Variants in RPS15A observed in about 807,000 individuals in gnomAD.
RPS15A encodes ribosomal protein S15a.
For synonymous variants in RPS15A, 55 were observed against 58.5 expected (o/e 0.94, Z 0.27); for missense variants, 62 against 163.4 (o/e 0.38, Z 3.38).
At chr16:18,783,186 A>T in intron 4 of RPS15A, 84 bp from the exon 5 acceptor site, 2 of 890,022 alleles carry the variant, frequency 2.2e-6, no homozygotes, top group Non-Finnish European at 3.6e-6. Context: ...AACACTCATC[A>T]GTGGTTAAGG....
chr16:18,786,120 CAG>C (rs1904044868), intron 3 of RPS15A: 1 of 153,628 alleles, frequency 6.5e-6, no homozygotes, highest in Non-Finnish European at 1.5e-5. Context: ...TCGAAAGTCA[CAG>C]AACAGGCCAG....
At chr16:18,783,506 T>C (rs1261297807) in intron 4 of RPS15A, 1 of 368,930 alleles carries the variant, frequency 2.7e-6, no homozygotes, top group East Asian at 7.2e-5. Context: ...TATGGAGACG[T>C]TCATTTGTAC....
intron 3 of RPS15A, 30 bp downstream of exon 3, chr16:18,788,033 C>T: frequency 7.0e-7 from 1 of 1,424,702 alleles, no homozygotes; most frequent in Non-Finnish European, 9.9e-7. Flanking sequence ...ATTCTTAAAG[C>T]TTTGAAATGT....
intron 4 of RPS15A, chr16:18,783,873 G>A (rs958018588): frequency 8.3e-6 from 3 of 359,848 alleles, no homozygotes; most frequent in African/African-American, 6.4e-5. Context: ...GAAAAACAAG[G>A]GTTTGAACTC....
intron 3 of RPS15A, 25 bp downstream of exon 3, chr16:18,788,038 A>C (rs762394637): frequency 6.8e-7 from 1 of 1,470,870 alleles, no homozygotes; most frequent in East Asian, 2.3e-5. Context: ...TAAAGCTTTG[A>C]AATGTGTAGA....
chr16:18,788,484 CCTTT>C (rs752426306), intron 2 of RPS15A: 65 of 246,332 alleles, frequency 2.6e-4, no homozygotes, highest in Admixed American at 6.7e-4. Context: ...TCTCAAGAGT[CCTTT>C]CTTTCTTTTT....
chr16:18,783,853 C>T (rs1904003647), intron 4 of RPS15A: 1 of 371,366 alleles, frequency 2.7e-6, no homozygotes, highest in Non-Finnish European at 5.3e-6. Flanking sequence ...GATCTCATGG[C>T]TTTAAAGCAG....
chr16:18,789,219 C>A (rs1457823534), intron 1 of RPS15A, 101 bp from the exon 2 acceptor site: 2 of 1,240,976 alleles, frequency 1.6e-6, no homozygotes, highest in African/African-American at 3.0e-5. Flanking sequence ...CTGGCCCCAC[C>A]TTGGCGAAGT....
chr16:18,786,172 CTGGCCAACA>C (rs1196182616), intron 3 of RPS15A: 3 of 167,412 alleles, frequency 1.8e-5, no homozygotes, highest in Non-Finnish European at 2.6e-5. Flanking sequence ...CCAGACCAGC[CTGGCCAACA>C]TGGCGAAACC....
At chr16:18,784,095 T>C (rs966910512) in intron 4 of RPS15A, 2 of 180,962 alleles carry the variant, frequency 1.1e-5, no homozygotes, top group Non-Finnish European at 2.4e-5. Context: ...ATGTGGCAAA[T>C]AGCCAGGCAC....
rs12926769 is a variant in RPS15A, at chr16:18,782,758, C to A, written c.*251G>T. 24 of 279,796 alleles carry A rather than the reference C, an allele frequency of 8.6e-5. No individual in the cohort carries two copies. The highest frequency in any genetic ancestry group is 1.7e-4 in the South Asian group (2 of 11,632). 17.3% of individuals were successfully genotyped at this position (279,796 alleles called of 1,614,324 possible). ...AAAAAAAAAAAAAACTGAAATACAA[C>A]TAAAATATTTAGTGTCAAATACCTG... On this transcript the variant is annotated 3_prime_UTR_variant, in exon 5 of 5. Transcript: ENST00000322989.
intron 2 of RPS15A, 56 bp from the exon 3 acceptor site, chr16:18,788,198 T>C (rs1189122254): frequency 9.0e-7 from 1 of 1,106,306 alleles, no homozygotes; most frequent in East Asian, 2.3e-5. Context: ...GAGCTAAACC[T>C]CTGTGCTCTA....
chr16:18,783,456 T>C (rs2141857164), intron 4 of RPS15A: 1 of 337,474 alleles, frequency 3.0e-6, no homozygotes, highest in East Asian at 7.1e-5. Context: ...TGAGTTTGAA[T>C]TGTGTTTCTG....
rs1017258950 is a variant in RPS15A, at chr16:18,782,832, T to A, written c.*177A>T. 3 of 537,314 alleles carry A rather than the reference T, an allele frequency of 5.6e-6. No homozygotes were observed. Among genetic ancestry groups the A allele is most frequent in the Admixed American group, 3.6e-5 (1 of 28,060 alleles). The allele number at this position is 537,314 out of a possible 1,614,324, so 33.3% of individuals were successfully genotyped here. ...CTGTTTCTTAGGCATACTGGTTTCA[T>A]AAGAACTTTTTCCCTTGGCTGTATT... On this transcript the variant is annotated 3_prime_UTR_variant, in exon 5 of 5. Coordinates refer to ENST00000322989, the MANE Select transcript of RPS15A (RefSeq NM_001019.5).
chr16:18,787,026 G>C (rs1229927772), intron 3 of RPS15A, among the ~76,000 whole-genome samples: 1 of 152,122 alleles, frequency 6.6e-6, no homozygotes, highest in African/African-American at 2.4e-5. Context: ...CACTGCGCCT[G>C]GCTAGTTTTT....
chr16:18,788,837 T>A (rs1231609208), intron 2 of RPS15A, 144 bp downstream of exon 2: 4 of 802,702 alleles, frequency 5.0e-6, no homozygotes, highest in African/African-American at 1.7e-5. Flanking sequence ...TTTCAGACTA[T>A]CCCCTCCTCC....
rs1031886891 is a variant in RPS15A at position 18,781,422 on chromosome 16, G to A, written c.*1587C>T. ...TTTGCAGGCTAGGGACCAGAGACAC[G>A]ATGGTTAAACAAGCCAGAGCCCTGT... On this transcript the variant is annotated 3_prime_UTR_variant, in exon 5 of 5. Transcript: ENST00000322989. 7 of 151,656 alleles carry A rather than the reference G, an allele frequency of 4.6e-5. No homozygotes were observed. The highest frequency in any genetic ancestry group is 1.3e-4 in the Admixed American group (2 of 15,178). The allele number at this position is 151,656 out of a possible 1,614,324, so 9.4% of individuals were successfully genotyped here.
In RPS15A at chr16:18,784,821, A is replaced by G. The variant is rs1234069772; in HGVS notation, c.216T>C (p.Cys72=). ...CGTCAAATCTGGGGCTGATCACCCC[A>G]CACTATAAAATAACAACAACAACAA... ...VVNLTGRLNK[C]GVISPRFDVQ... is the part of the protein sequence containing the mutation. Residue 72 remains cysteine (C), a splice_region_variant and synonymous_variant, in exon 4 of 5, where the codon TGT becomes TGC. Coordinates refer to ENST00000322989, the MANE Select transcript of RPS15A (RefSeq NM_001019.5). 1 of 1,604,172 alleles carries G rather than the reference A, an allele frequency of 6.2e-7. No homozygotes were observed. Among genetic ancestry groups the G allele is most frequent in the East Asian group, 2.2e-5 (1 of 44,772 alleles).
At chr16:18,784,672 T>C in intron 4 of RPS15A, 66 bp downstream of exon 4, 1 of 1,246,504 alleles carries the variant, frequency 8.0e-7, no homozygotes, top group Non-Finnish European at 1.1e-6. Context: ...AAAAAACCCT[T>C]AAGTCAAACT....
Sources: gnomAD v4.1 joint callset for allele counts (sites outside exome capture counted in the v4.1 genomes callset) on GRCh38, gnomAD v4.1.1 for gene constraint, MANE v1.5 for transcripts, NCBI Gene and HGNC (gene_info 2026-07-23, HGNC 2026-07-21) for gene names.